Variants in PCDHA11 observed in about 807,000 individuals in gnomAD.
PCDHA11 encodes the protein protocadherin alpha-11.
A neutral mutation model predicts 70.3 loss-of-function variants in PCDHA11; 61 were observed. That is an observed-to-expected ratio of 0.87 (90% CI 0.71 to 1.07). The LOEUF (loss-of-function observed/expected upper bound fraction) is 1.07. Among genes scored for constraint, PCDHA11 ranks in the 50% least tolerant of loss-of-function variants. PCDHA11 has a pLI of 0.00. For missense variants in PCDHA11, 1,324 were observed against 1,237.5 expected (o/e 1.07, Z -1.05); for synonymous variants, 633 against 555.1 (o/e 1.14, Z -1.97).
Position 140,898,798 on chromosome 5 carries a change from G to A in PCDHA11, c.2391+27304G>A, listed in dbSNP as rs1441416892. On this transcript the variant is annotated intron_variant, in intron 1 of 3. Coordinates refer to ENST00000398640, the MANE Select transcript of PCDHA11 (RefSeq NM_018902.5). The stretch of plus-strand genomic sequence containing the variant: ...CCTTGGGCAGTATGGCCATTTTCAC[G>A]ATACTGATTCTTCCTACCCATGAGC... Among the ~76,000 whole-genome samples the A allele has an allele frequency of 2.6e-4, 39 of 152,120 alleles. 1 individual carries two copies. Among genetic ancestry groups the A allele is most frequent in the African/African-American group, 7.2e-5 (3 of 41,414 alleles).
chr5:140,909,787 A>C (rs1299398218), intron 1 of PCDHA11, among the ~76,000 whole-genome samples: 2 of 152,156 alleles, frequency 1.3e-5, no homozygotes, highest in African/African-American at 4.8e-5. Flanking sequence ...ACCCACTCTA[A>C]GTCAGACTTC....
At chr5:140,926,987 G>A (rs782407289) in intron 1 of PCDHA11, 13 of 1,610,996 alleles carry the variant, frequency 8.1e-6, no homozygotes, top group Non-Finnish European at 1.1e-5. Flanking sequence ...GAGACGGAGC[G>A]GGGCGTAGCC....
At chr5:141,009,602 T>G in intron 3 of PCDHA11, 25 bp from the exon 4 acceptor site, 1 of 1,608,136 alleles carries the variant, frequency 6.2e-7, no homozygotes, top group Non-Finnish European at 8.5e-7. Flanking sequence ...ACCCTGTTAA[T>G]GATTTGTAAT....
At chr5:140,876,418 T>G in intron 1 of PCDHA11, 1 of 1,613,982 alleles carries the variant, frequency 6.2e-7, no homozygotes, top group African/African-American at 1.3e-5. Context: ...GAATAATGCC[T>G]ATGAAATTCA....
chr5:140,981,026 A>T (rs1300851844), intron 2 of PCDHA11, among the ~76,000 whole-genome samples: 3 of 152,088 alleles, frequency 2.0e-5, no homozygotes, highest in Admixed American at 6.5e-5. Flanking sequence ...GGCTGTTAAT[A>T]TTTGGGGAAA....
intron 1 of PCDHA11, chr5:140,875,955 T>C: frequency 6.2e-7 from 1 of 1,614,158 alleles, no homozygotes; most frequent in African/African-American, 1.3e-5. Flanking sequence ...CTGATGCGGA[T>C]ATCGGCGTAA....
At chr5:140,963,705 C>T (rs1351751729) in intron 1 of PCDHA11, among the ~76,000 whole-genome samples, 1 of 152,130 alleles carries the variant, frequency 6.6e-6, no homozygotes, top group Non-Finnish European at 1.5e-5. Flanking sequence ...ATCTAAAGGG[C>T]CATGCTACAT....
At chr5:140,923,966 C>T (rs1422839186) in intron 1 of PCDHA11, among the ~76,000 whole-genome samples, 3 of 152,188 alleles carry the variant, frequency 2.0e-5, no homozygotes, top group Non-Finnish European at 4.4e-5. Flanking sequence ...AATCTATACC[C>T]ACACATACTA....
At chr5:140,963,685 C>T (rs1272143166) in intron 1 of PCDHA11, among the ~76,000 whole-genome samples, 19 of 152,220 alleles carry the variant, frequency 1.2e-4, no homozygotes, top group Middle Eastern at 3.4e-3. Flanking sequence ...TGTGTTTATC[C>T]GTGTTTGATA....
intron 1 of PCDHA11, among the ~76,000 whole-genome samples, chr5:140,962,051 T>G (rs1352018533): frequency 6.6e-6 from 1 of 151,838 alleles, no homozygotes; most frequent in East Asian, 1.9e-4. Context: ...GCCTGGCTAA[T>G]TTTTTTGTAT....
chr5:140,973,556 C>A lies in PCDHA11; in HGVS notation c.2392-5393C>A, dbSNP rs993191449. Among the ~76,000 whole-genome samples the A allele has an allele frequency of 3.9e-5, 6 of 152,336 alleles. 1 individual carries two copies. In the South Asian group the frequency reaches 1.2e-3, roughly 32 times the overall value. ...ATACAATAATTTATTTCAATTACCT[C>A]TTTCCTCAATTTTTCTACAGACTGC... On this transcript the variant is annotated intron_variant, in intron 1 of 3. Coordinates refer to ENST00000398640, the MANE Select transcript of PCDHA11 (RefSeq NM_018902.5).
intron 1 of PCDHA11, among the ~76,000 whole-genome samples, chr5:140,901,191 C>A (rs2153472732): frequency 6.6e-6 from 1 of 152,084 alleles, no homozygotes; most frequent in Non-Finnish European, 1.5e-5. Context: ...GTTTGCTTTT[C>A]TGTGCAGAAG....
At chr5:140,896,470 C>T (rs1583233416) in intron 1 of PCDHA11, among the ~76,000 whole-genome samples, 2 of 151,962 alleles carry the variant, frequency 1.3e-5, no homozygotes, top group South Asian at 4.2e-4. Context: ...TCAAGCGGTT[C>T]TCCTGCCTCA....
chr5:140,952,743 C>T lies in PCDHA11; in HGVS notation c.2392-26206C>T, dbSNP rs146786879. Reference sequence around the variant, plus strand: ...TCTGTACTAGTCTTTTCTCACACTGCTATAAAAACACCTGAGACTGGATAA... The same window carrying T: ...TCTGTACTAGTCTTTTCTCACACTGTTATAAAAACACCTGAGACTGGATAA... On this transcript the variant is annotated intron_variant, in intron 1 of 3. Coordinates refer to ENST00000398640, the MANE Select transcript of PCDHA11 (RefSeq NM_018902.5). 8.6e-3 allele frequency among the ~76,000 whole-genome samples: 1,316 copies of T among 152,264 alleles called. 10 individuals are homozygous for T. Among genetic ancestry groups the T allele is most frequent in the Middle Eastern group, 0.014 (4 of 294 alleles).
chr5:140,997,156 C>G (rs1266627646), intron 3 of PCDHA11, among the ~76,000 whole-genome samples: 1 of 152,106 alleles, frequency 6.6e-6, no homozygotes, highest in Non-Finnish European at 1.5e-5. Flanking sequence ...CAGTGACATC[C>G]TGCCCAGAGT....
chr5:140,927,037 G>T lies in PCDHA11; in HGVS notation c.2392-51912G>T, dbSNP rs782765718. On this transcript the variant is annotated intron_variant, in intron 1 of 3. Coordinates refer to ENST00000398640, the MANE Select transcript of PCDHA11 (RefSeq NM_018902.5). ...CGCGGACTTGAGGCTGCCAGCGGCC[G>T]CTATGTCCTCGCGGAACTTTCGCTT... The T allele has an allele frequency of 3.7e-6, 6 of 1,612,000 alleles. No homozygotes were observed. The Admixed American group carries it at 6.7e-5, about 18-fold the overall frequency.
At chr5:140,974,647 G>GATT (rs2096635431) in intron 1 of PCDHA11, among the ~76,000 whole-genome samples, 1 of 152,068 alleles carries the variant, frequency 6.6e-6, no homozygotes, top group African/African-American at 2.4e-5. Context: ...GAGTAGCTGA[G>GATT]ATTACAGGCA....
chr5:140,870,952 T>G lies in PCDHA11; in HGVS notation c.1849T>G (p.Ser617Ala). The G allele has an allele frequency of 2.5e-6, 4 of 1,613,610 alleles. No individual in the cohort carries two copies. Among genetic ancestry groups the G allele is most frequent in the Non-Finnish European group, 3.4e-6 (4 of 1,179,872 alleles). The change falls in exon 1 of 4, where the codon TCG becomes GCG. Residue 617 changes from serine (S) to alanine (A), a missense_variant. Physicochemically the swap from Ser to Ala is moderately conservative, Grantham distance 99. Transcript: ENST00000398640. ...TGAATTGCAGCCGGCGGCGGGCGGC[T>G]CGCGCATCCCGTTCCGCGTGGGGCT... ...SYELQPAAGG[S>A]RIPFRVGLYT...
intron 1 of PCDHA11, among the ~76,000 whole-genome samples, chr5:140,891,121 T>C (rs74535477): frequency 0.041 from 6,261 of 152,308 alleles, 144 homozygotes; most frequent in Middle Eastern, 0.061. Context: ...TCAATCTAAA[T>C]GTCATTCCTT....
Sources: allele counts gnomAD v4.1 joint callset (sites outside exome capture counted in the v4.1 genomes callset), GRCh38; gene constraint gnomAD v4.1.1; transcripts MANE v1.5; gene names NCBI Gene and HGNC (gene_info 2026-07-23, HGNC 2026-07-21).